EXOC4: variants seen among roughly 807,000 people sequenced by gnomAD.
EXOC4 encodes the protein exocyst complex component 4.
Under a neutral mutation model 107.2 loss-of-function variants are expected in EXOC4, and 71 were observed. The ratio of observed to expected loss-of-function variants is 0.66; its 90% CI spans 0.55 to 0.81. The LOEUF is 0.81. EXOC4 is among the 30% of genes least tolerant of loss of function. The pLI is 0.00. For missense variants in EXOC4, 1,108 were observed against 1,189.6 expected (o/e 0.93, Z 1.01); for synonymous variants, 456 against 441.2 (o/e 1.03, Z -0.42).
chr7:133,385,654 GT>G (rs1457949185), intron 7 of EXOC4, among the ~76,000 whole-genome samples: 1 of 152,146 alleles, frequency 6.6e-6, no homozygotes, highest in Non-Finnish European at 1.5e-5. Context: ...TGTTGTTACA[GT>G]TTGTCGTATT....
At chr7:134,066,041 G>C (rs1403366275), downstream of EXOC4, 1 of 152,226 alleles carries the variant, frequency 6.6e-6, no homozygotes, top group Non-Finnish European at 1.5e-5. Flanking sequence ...CAATCTGTCT[G>C]GCTCCAAGGG....
chr7:133,557,598 G>C (rs938319609), intron 9 of EXOC4, among the ~76,000 whole-genome samples: 2 of 152,174 alleles, frequency 1.3e-5, no homozygotes, highest in Admixed American at 6.5e-5. Context: ...CAGATGTGTG[G>C]TGAATAAAAC....
intron 7 of EXOC4, among the ~76,000 whole-genome samples, chr7:133,424,148 A>G (rs576529273): frequency 6.6e-6 from 1 of 152,330 alleles, no homozygotes; most frequent in South Asian, 2.1e-4. Flanking sequence ...AGGCCACCCG[A>G]GCCAACAGCA....
chr7:133,872,176 A>G (rs1031325887), intron 11 of EXOC4, among the ~76,000 whole-genome samples: 2 of 152,204 alleles, frequency 1.3e-5, no homozygotes, highest in Non-Finnish European at 2.9e-5. Context: ...TTTCAAAATA[A>G]TCTGCAAAGA....
At chr7:133,858,312 G>A (rs548083034) in intron 11 of EXOC4, among the ~76,000 whole-genome samples, 5 of 152,274 alleles carry the variant, frequency 3.3e-5, no homozygotes, top group Admixed American at 6.5e-5. Flanking sequence ...ACCTGCAGAC[G>A]GGCAGTCGTA....
chr7:133,846,110 A>G (rs544290072), intron 11 of EXOC4, among the ~76,000 whole-genome samples: 5 of 152,294 alleles, frequency 3.3e-5, no homozygotes, highest in East Asian at 3.9e-4. Context: ...TTGGTCTTCA[A>G]TCAAGCAAAA....
chr7:133,475,355 A>C lies in EXOC4; in HGVS notation c.1210A>C (p.Lys404Gln). ...QMLLTEYLDM[K>Q]NTRTASEPSA... ...GCTATTAACTGAGTACTTGGATATG[A>C]AAAATACTCGTACGGCCTCTGAACC... is the stretch of plus-strand genomic sequence containing the variant. The change falls in exon 8 of 18, where the codon AAA becomes CAA. Residue 404 changes from lysine (K) to glutamine (Q), a missense_variant. Transcript: ENST00000253861. The C allele has an allele frequency of 1.2e-6, 2 of 1,613,702 alleles. No homozygotes were observed. Among genetic ancestry groups the C allele is most frequent in the Non-Finnish European group, 1.7e-6 (2 of 1,179,622 alleles).
intron 17 of EXOC4, among the ~76,000 whole-genome samples, chr7:134,011,152 T>G (rs1177647779): frequency 6.6e-6 from 1 of 152,160 alleles, no homozygotes; most frequent in Non-Finnish European, 1.5e-5. Flanking sequence ...TGAGTGTGCT[T>G]TTTTAGTTCC....
intron 10 of EXOC4, among the ~76,000 whole-genome samples, chr7:133,709,672 T>C (rs993417259): frequency 2.9e-5 from 4 of 137,074 alleles, no homozygotes; most frequent in Non-Finnish European, 6.2e-5. Context: ...TTTTTCAAAG[T>C]GGTATGTGGT....
rs1320797779 is a variant in EXOC4 at position 134,065,075 on chromosome 7, C to T, written c.*547C>T. 8 of 152,596 alleles carry T rather than the reference C, an allele frequency of 5.2e-5. No homozygotes were observed. Among genetic ancestry groups the T allele is most frequent in the Non-Finnish European group, 8.8e-5 (6 of 68,040 alleles). 9.5% of individuals were successfully genotyped at this position (152,596 alleles called of 1,614,324 possible). A position where few individuals can be genotyped will look rare whatever the true frequency, so the allele number is the denominator to read the frequency against. On this transcript the variant is annotated 3_prime_UTR_variant, in exon 18 of 18. Transcript: ENST00000253861. ...CTCAGCTGCTGTTTACAACAAACTT[C>T]CCTAACCAAAACAGAACCTCTAATT...
chr7:134,015,715 A>T (rs1794890676), intron 17 of EXOC4, among the ~76,000 whole-genome samples: 1 of 151,946 alleles, frequency 6.6e-6, no homozygotes, highest in Non-Finnish European at 1.5e-5. Context: ...TCTCTACTAA[A>T]ATACAAAAAA....
chr7:134,018,672 A>G (rs1015396435), intron 17 of EXOC4, among the ~76,000 whole-genome samples: 1 of 151,536 alleles, frequency 6.6e-6, no homozygotes, highest in African/African-American at 2.4e-5. Context: ...TATGTGCTAT[A>G]TTGTTCTTCA....
At chr7:133,647,576 G>T (rs1006543174) in intron 10 of EXOC4, among the ~76,000 whole-genome samples, 2 of 152,046 alleles carry the variant, frequency 1.3e-5, no homozygotes, top group African/African-American at 2.4e-5. Context: ...GGACCCTAGA[G>T]CCCCAACTCT....
At chr7:133,948,278 T>G (rs1405425938) in intron 14 of EXOC4, among the ~76,000 whole-genome samples, 1 of 152,124 alleles carries the variant, frequency 6.6e-6, no homozygotes, top group Non-Finnish European at 1.5e-5. Context: ...CAGTGTGAAA[T>G]CATGACTTAA....
chr7:133,427,067 T>TG (rs1187700645), intron 7 of EXOC4, among the ~76,000 whole-genome samples: 4 of 152,194 alleles, frequency 2.6e-5, no homozygotes, highest in African/African-American at 9.7e-5. Context: ...GTGGTTTTTT[T>TG]TTGTTTTTGA....
At chr7:133,957,105 T>G (rs1466547286) in intron 14 of EXOC4, among the ~76,000 whole-genome samples, 2 of 152,216 alleles carry the variant, frequency 1.3e-5, no homozygotes, top group Non-Finnish European at 2.9e-5. Context: ...GGCTTAAAAT[T>G]AACTAAATTA....
intron 17 of EXOC4, among the ~76,000 whole-genome samples, chr7:134,035,020 GT>G (rs869270777): frequency 1.3e-5 from 2 of 150,574 alleles, no homozygotes; most frequent in Non-Finnish European, 3.0e-5. Flanking sequence ...AGATAAAAAG[GT>G]TTTTTTTCTT....
intron 17 of EXOC4, among the ~76,000 whole-genome samples, chr7:134,043,994 C>A (rs748780929): frequency 1.3e-5 from 2 of 152,176 alleles, no homozygotes; most frequent in African/African-American, 2.4e-5. Flanking sequence ...GGTGATGGAG[C>A]ATGGTCTAGG....
intron 9 of EXOC4, among the ~76,000 whole-genome samples, chr7:133,618,523 T>C (rs960514320): frequency 1.3e-5 from 2 of 152,216 alleles, no homozygotes; most frequent in African/African-American, 4.8e-5. Flanking sequence ...TACATGTAAG[T>C]GTGCTAGACA....
Sources: gnomAD v4.1 joint callset for allele counts (sites outside exome capture counted in the v4.1 genomes callset) on GRCh38, gnomAD v4.1.1 for gene constraint, MANE v1.5 for transcripts, NCBI Gene and HGNC (gene_info 2026-07-23, HGNC 2026-07-21) for gene names.